Variants in CCSER1 observed in about 807,000 individuals in gnomAD.
CCSER1 encodes the protein coiled-coil serine rich protein 1, also known as serine-rich coiled-coil domain-containing protein 1.
CCSER1 carries 41 observed loss-of-function variants against 82.0 expected under a neutral mutation model. That is an observed-to-expected ratio of 0.50 (90% confidence interval 0.39 to 0.65). The LOEUF (loss-of-function observed/expected upper bound fraction) is 0.65. CCSER1 is among the 30% of genes least tolerant of loss of function. The pLI is 0.00. For missense variants in CCSER1, 1,119 were observed against 1,064.2 expected (o/e 1.05, Z -0.72); for synonymous variants, 414 against 383.9 (o/e 1.08, Z -0.92).
chr4:90,691,022 G>A (rs1210085345), intron 6 of CCSER1, among the ~76,000 whole-genome samples: 1 of 151,966 alleles, frequency 6.6e-6, no homozygotes, highest in Non-Finnish European at 1.5e-5. Context: ...AGAAAAGATA[G>A]GTAATAGTTC....
chr4:90,880,009 T>C (rs1721056908), intron 8 of CCSER1, among the ~76,000 whole-genome samples: 1 of 152,206 alleles, frequency 6.6e-6, no homozygotes, highest in Admixed American at 6.5e-5. Context: ...ATTTTTTGTG[T>C]TGAAGCTTTG....
chr4:91,578,297 A>T (rs1230916881), intron 10 of CCSER1, among the ~76,000 whole-genome samples: 1 of 151,980 alleles, frequency 6.6e-6, no homozygotes. Context: ...ATTATCTCAA[A>T]ACTGTCACAG....
intron 3 of CCSER1, among the ~76,000 whole-genome samples, chr4:90,313,566 T>C (rs1725543897): frequency 6.6e-6 from 1 of 152,022 alleles, no homozygotes; most frequent in Non-Finnish European, 1.5e-5. Context: ...ACATTGGAGG[T>C]AATCAAGATA....
chr4:91,241,792 A>T (rs1037517374), intron 10 of CCSER1, among the ~76,000 whole-genome samples: 1 of 152,184 alleles, frequency 6.6e-6, no homozygotes, highest in Non-Finnish European at 1.5e-5. Flanking sequence ...CAAATTAACT[A>T]AAGTATTATA....
At chr4:91,481,794 A>C (rs1489952732) in intron 10 of CCSER1, among the ~76,000 whole-genome samples, 1 of 152,226 alleles carries the variant, frequency 6.6e-6, no homozygotes, top group Non-Finnish European at 1.5e-5. Flanking sequence ...TAAACTAAAA[A>C]GCTTCTGAAC....
Position 90,838,869 on chromosome 4 carries a change from G to T in CCSER1, c.2094+23024G>T, listed in dbSNP as rs771032466. The stretch of plus-strand genomic sequence containing the variant: ...GTAAAATAAGAAGGCAATGCTTGTG[G>T]AATGTACAGTGCATATTGGCGGCGC... On this transcript the variant is annotated intron_variant, in intron 8 of 10. Coordinates refer to ENST00000509176, the MANE Select transcript of CCSER1 (RefSeq NM_001145065.2). 2.5e-6 allele frequency: 4 copies of T among 1,611,414 alleles called. No individual in the cohort carries two copies. In the Admixed American group the frequency reaches 6.7e-5, roughly 27 times the overall value.
intron 10 of CCSER1, among the ~76,000 whole-genome samples, chr4:91,372,036 T>C (rs1750085267): frequency 6.6e-6 from 1 of 152,192 alleles, no homozygotes; most frequent in African/African-American, 2.4e-5. Context: ...CTACTATAAA[T>C]AAAAATGTTT....
At chr4:91,043,931 AG>A (rs1254975685) in intron 9 of CCSER1, among the ~76,000 whole-genome samples, 2 of 152,174 alleles carry the variant, frequency 1.3e-5, no homozygotes, top group East Asian at 3.8e-4. Flanking sequence ...ACAGTGGACA[AG>A]ATGGTTAAAG....
intron 3 of CCSER1, chr4:90,325,461 A>T (rs911418568): frequency 1.1e-5 from 2 of 177,288 alleles, no homozygotes; most frequent in Admixed American, 1.2e-4. Context: ...TTTTCAAGTT[A>T]TATTATTTTT....
At chr4:91,176,206 C>CA (rs141663965) in intron 10 of CCSER1, among the ~76,000 whole-genome samples, 146,448 of 152,332 alleles carry the variant, frequency 0.96, 70,406 homozygotes, top group African/African-American at 0.99. Flanking sequence ...GTACCAGTAC[C>CA]TGCTGTTTTG....
Position 91,499,398 on chromosome 4 carries a change from C to T in CCSER1, c.2218-99174C>T, listed in dbSNP as rs1455805908. Among the ~76,000 whole-genome samples, 3 of 151,978 alleles carry T rather than the reference C, an allele frequency of 2.0e-5. No individual in the cohort carries two copies. In the East Asian group the frequency reaches 5.8e-4, roughly 29 times the overall value. On this transcript the variant is annotated intron_variant, in intron 10 of 10. Transcript: ENST00000509176. Reference sequence around the variant, plus strand: ...ATTTCCCATATAATCCCTGCCCCTACACGTGCACAGCCACCCCACTGTGGA... The same window carrying T: ...ATTTCCCATATAATCCCTGCCCCTATACGTGCACAGCCACCCCACTGTGGA...
chr4:91,535,063 A>C (rs1034807168), intron 10 of CCSER1, among the ~76,000 whole-genome samples: 2 of 151,960 alleles, frequency 1.3e-5, no homozygotes, highest in Admixed American at 1.3e-4. Context: ...TGTAAGTATA[A>C]ATTAAGTGAA....
intron 9 of CCSER1, among the ~76,000 whole-genome samples, chr4:90,939,596 A>G (rs1206318912): frequency 3.3e-5 from 5 of 152,190 alleles, no homozygotes; most frequent in Non-Finnish European, 7.4e-5. Context: ...AATGCCATAG[A>G]GCCAAGAAGA....
chr4:91,405,347 A>G (rs1752629946), intron 10 of CCSER1, among the ~76,000 whole-genome samples: 1 of 152,200 alleles, frequency 6.6e-6, no homozygotes, highest in Non-Finnish European at 1.5e-5. Context: ...ACCTAAAACC[A>G]TAAAAACCCT....
chr4:90,767,227 T>C lies in CCSER1; in HGVS notation c.2010+43236T>C, dbSNP rs554562073. On this transcript the variant is annotated intron_variant, in intron 7 of 10. Coordinates refer to ENST00000509176, the MANE Select transcript of CCSER1 (RefSeq NM_001145065.2). ...TTGTATGTGTTTCTAAGTTTGTTCT[T>C]TTTTTTAGGTAAAATAAAGAATTTA... Among the ~76,000 whole-genome samples the C allele has an allele frequency of 1.9e-3, 289 of 152,272 alleles. 1 individual carries two copies. Among genetic ancestry groups the C allele is most frequent in the Non-Finnish European group, 3.3e-3 (226 of 68,026 alleles).
intron 10 of CCSER1, among the ~76,000 whole-genome samples, chr4:91,598,225 A>C (rs1314648067): frequency 6.6e-6 from 1 of 152,212 alleles, no homozygotes; most frequent in Non-Finnish European, 1.5e-5. Flanking sequence ...TTCATCACTT[A>C]TTAAAATAAT....
intron 1 of CCSER1, among the ~76,000 whole-genome samples, chr4:90,219,461 A>G (rs1741719931): frequency 1.3e-5 from 2 of 152,176 alleles, no homozygotes; most frequent in Non-Finnish European, 2.9e-5. Flanking sequence ...TTCACACTAC[A>G]TAATTTATAT....
intron 5 of CCSER1, among the ~76,000 whole-genome samples, chr4:90,527,779 T>G (rs979334669): frequency 4.6e-5 from 7 of 152,144 alleles, no homozygotes; most frequent in Non-Finnish European, 1.0e-4. Context: ...TATCCTGCCT[T>G]TTATGAATTT....
chr4:91,117,220 T>G (rs1389900075), intron 10 of CCSER1, among the ~76,000 whole-genome samples: 2 of 152,206 alleles, frequency 1.3e-5, no homozygotes, highest in South Asian at 2.1e-4. Context: ...AAATGAGCCT[T>G]GAGGCTTAGC....
Sources: allele counts gnomAD v4.1 joint callset (sites outside exome capture counted in the v4.1 genomes callset), GRCh38; gene constraint gnomAD v4.1.1; transcripts MANE v1.5; gene names NCBI Gene and HGNC (gene_info 2026-07-23, HGNC 2026-07-21).